The following RGS5 variants were observed in gnomAD, a reference collection of about 807,000 sequenced individuals.
RGS5 encodes the protein regulator of G protein signaling 5.
RGS5 carries 20 observed loss-of-function variants against 18.9 expected under a neutral mutation model. That is an observed-to-expected ratio of 1.06 (90% CI 0.74 to 1.54). RGS5 has a LOEUF of 1.54. Ranked by LOEUF, RGS5 falls within the 40% of genes most tolerant of loss-of-function variation. The pLI, the probability that RGS5 is intolerant of heterozygous loss-of-function variation, is 0.00. For missense variants in RGS5, 201 were observed against 211.8 expected (o/e 0.95, Z 0.32); for synonymous variants, 57 against 76.2 (o/e 0.75, Z 1.31).
Position 163,249,240 on chromosome 1 carries a change from T to C in RGS5, c.-281+56993A>G, listed in dbSNP as rs912095295. On this transcript the variant is annotated intron_variant, in intron 2 of 5. Transcript: ENST00000618415. Reference sequence around the variant, plus strand: ...TGAGGAGTACAATACATTTCCTTTATGGAAATGTAAGGAAGAAAGAATAAG... The same window carrying C: ...TGAGGAGTACAATACATTTCCTTTACGGAAATGTAAGGAAGAAAGAATAAG... Among the ~76,000 whole-genome samples the C allele has an allele frequency of 3.3e-5, 5 of 152,230 alleles. 1 individual carries two copies. The highest frequency in any genetic ancestry group is 2.0e-4 in the Admixed American group (3 of 15,286).
chr1:163,312,697 A>G (rs922202829), intron 1 of RGS5, among the ~76,000 whole-genome samples: 1 of 152,246 alleles, frequency 6.6e-6, no homozygotes, highest in Non-Finnish European at 1.5e-5. Context: ...ATGGATTAGT[A>G]GACAGGAATC....
At chr1:163,299,980 T>C (rs2101641336) in intron 2 of RGS5, among the ~76,000 whole-genome samples, 1 of 152,334 alleles carries the variant, frequency 6.6e-6, no homozygotes, top group South Asian at 2.1e-4. Context: ...GGAGTACACA[T>C]TACTACAGGG....
At chr1:163,304,309 GT>G (rs1392969772) in intron 2 of RGS5, 1 of 152,206 alleles carries the variant, frequency 6.6e-6, no homozygotes, top group African/African-American at 2.4e-5. Context: ...GCTCCTGCCT[GT>G]CAGGCTTCTT....
intron 1 of RGS5, among the ~76,000 whole-genome samples, chr1:163,170,543 C>T (rs12566846): frequency 0.12 from 18,687 of 151,926 alleles, 1,443 homozygotes; most frequent in Non-Finnish European, 0.17. Context: ...TAAGTAAATG[C>T]CTAAGATTTG....
intron 1 of RGS5, among the ~76,000 whole-genome samples, chr1:163,195,206 G>A (rs1030261457): frequency 6.6e-6 from 1 of 152,142 alleles, no homozygotes; most frequent in African/African-American, 2.4e-5. Flanking sequence ...ACCAGTGAGT[G>A]AGTGGATAAA....
At chr1:163,215,375 A>G (rs1434415439) in intron 1 of RGS5, among the ~76,000 whole-genome samples, 1 of 152,208 alleles carries the variant, frequency 6.6e-6, no homozygotes, top group Non-Finnish European at 1.5e-5. Flanking sequence ...CACTTCATCT[A>G]TAAGATATAG....
intron 1 of RGS5, among the ~76,000 whole-genome samples, chr1:163,209,106 T>A (rs1006969681): frequency 6.6e-6 from 1 of 152,178 alleles, no homozygotes; most frequent in African/African-American, 2.4e-5. Flanking sequence ...TTGCAGTGAA[T>A]TAAAACTAGA....
chr1:163,314,627 T>A (rs990348625), intron 1 of RGS5, among the ~76,000 whole-genome samples: 1 of 152,174 alleles, frequency 6.6e-6, no homozygotes, highest in East Asian at 1.9e-4. Flanking sequence ...TTTCATTTTT[T>A]AAAAATTCCC....
At chr1:163,290,665 A>AG (rs1014440281) in intron 2 of RGS5, among the ~76,000 whole-genome samples, 7 of 152,158 alleles carry the variant, frequency 4.6e-5, no homozygotes, top group South Asian at 4.1e-4. Flanking sequence ...AAAAAAAAAA[A>AG]AAAAATGAAT....
chr1:163,202,800 G>A lies in RGS5; in HGVS notation c.36C>T (p.Cys12=). 6.2e-7 allele frequency: 1 copy of A among 1,613,416 alleles called. No individual in the cohort carries two copies. Among genetic ancestry groups the A allele is most frequent in the Non-Finnish European group, 8.5e-7 (1 of 1,179,556 alleles). ...CKGLAALPHS[C]LERAKEIKIK... ...AATAACTTGGTTCTCACCTTTCCAG[G>A]CATGAGTGGGGCAAAGCTGCAAGTC... The change falls in exon 1 of 5, where the codon TGC becomes TGT. Residue 12 remains cysteine (C), a synonymous_variant. Coordinates refer to ENST00000313961, the MANE Select transcript of RGS5 (RefSeq NM_003617.4).
intron 2 of RGS5, among the ~76,000 whole-genome samples, chr1:163,167,204 T>C (rs1427886319): frequency 2.6e-5 from 4 of 152,168 alleles, no homozygotes; most frequent in Non-Finnish European, 5.9e-5. Flanking sequence ...GGCTGGCCAA[T>C]TTACACAAAT....
At chr1:163,206,141 C>CT (rs1181017638), upstream of RGS5, among the ~76,000 whole-genome samples, 1 of 152,010 alleles carries the variant, frequency 6.6e-6, no homozygotes, top group Non-Finnish European at 1.5e-5. Flanking sequence ...GCTTCCCTGC[C>CT]TTTTTTTATT....
intron 3 of RGS5, among the ~76,000 whole-genome samples, chr1:163,154,733 C>T (rs979889554): frequency 1.3e-5 from 2 of 151,476 alleles, no homozygotes; most frequent in Admixed American, 6.6e-5. Context: ...CTTAGTGACA[C>T]GAGAGTTAGC....
At chr1:163,158,031 C>T (rs535154267) in intron 3 of RGS5, among the ~76,000 whole-genome samples, 105 of 152,234 alleles carry the variant, frequency 6.9e-4, no homozygotes, top group African/African-American at 2.5e-3. Flanking sequence ...TTCTTCATTA[C>T]CTGTTTTGCA....
At chr1:163,288,817 G>A (rs1649209307) in intron 2 of RGS5, among the ~76,000 whole-genome samples, 1 of 152,044 alleles carries the variant, frequency 6.6e-6, no homozygotes, top group African/African-American at 2.4e-5. Flanking sequence ...GTGTTCAAAT[G>A]GAATTTATTG....
chr1:163,173,664 T>A (rs1335366071), intron 1 of RGS5, among the ~76,000 whole-genome samples: 1 of 152,184 alleles, frequency 6.6e-6, no homozygotes, highest in African/African-American at 2.4e-5. Context: ...GTTTCAAGGG[T>A]TACAGAGTTG....
intron 3 of RGS5, among the ~76,000 whole-genome samples, chr1:163,158,634 G>A (rs1048734547): frequency 6.6e-6 from 1 of 152,100 alleles, no homozygotes; most frequent in Non-Finnish European, 1.5e-5. Flanking sequence ...TATGAATAGG[G>A]TGTGGGTCAC....
intron 2 of RGS5, among the ~76,000 whole-genome samples, chr1:163,293,314 C>A (rs1261108404): frequency 1.3e-5 from 2 of 152,124 alleles, no homozygotes; most frequent in East Asian, 3.9e-4. Flanking sequence ...GGGAAGTCCT[C>A]AGGAAACTTA....
intron 2 of RGS5, among the ~76,000 whole-genome samples, chr1:163,255,380 C>T (rs1293801186): frequency 6.6e-6 from 1 of 152,182 alleles, no homozygotes; most frequent in Non-Finnish European, 1.5e-5. Flanking sequence ...GTAAATTCCT[C>T]GACACATACA....
Sources: allele counts gnomAD v4.1 joint callset (sites outside exome capture counted in the v4.1 genomes callset), GRCh38; gene constraint gnomAD v4.1.1; transcripts MANE v1.5; gene names NCBI Gene and HGNC (gene_info 2026-07-23, HGNC 2026-07-21).